COL9A3: variants seen among roughly 807,000 people sequenced by gnomAD.
COL9A3 encodes the protein collagen alpha-3(IX) chain.
A neutral mutation model predicts 110.2 loss-of-function variants in COL9A3; 82 were observed. The observed-to-expected ratio is 0.74, with a 90% CI of 0.62 to 0.89. COL9A3 has a LOEUF of 0.89. Ranked by LOEUF, COL9A3 falls within the 40% of genes least tolerant of loss-of-function variation. The probability of loss-of-function intolerance (pLI) is 0.00; values close to 1 mark genes in which losing one functional copy is unlikely to be tolerated. For synonymous variants in COL9A3, 494 were observed against 403.8 expected (o/e 1.22, Z -2.68); for missense variants, 1,066 against 981.3 (o/e 1.09, Z -1.15).
rs1600801851 is a variant in COL9A3 at position 62,829,500 on chromosome 20, G to T, written c.1053+1G>T. ...GTCCAAAGGCGAGAAGGGAGAACGG[G>T]TATGTGGCTGCAGCCGCTTTCTCTC... is the stretch of plus-strand genomic sequence containing the variant. On this transcript the variant is annotated splice_donor_variant, in intron 20 of 31. Coordinates refer to ENST00000649368, the MANE Select transcript of COL9A3 (RefSeq NM_001853.4). LOFTEE classifies it high-confidence loss of function. 6.2e-7 allele frequency: 1 copy of T among 1,605,806 alleles called. No individual in the cohort carries two copies.
intron 25 of COL9A3, 69 bp from the exon 26 acceptor site, chr20:62,832,951 G>T: frequency 7.2e-7 from 1 of 1,392,130 alleles, no homozygotes; most frequent in South Asian, 1.2e-5. Context: ...TGAGAGCAGG[G>T]ACTTTAAGGC....
rs1311698236 is a variant in COL9A3 at position 62,825,129 on chromosome 20, GA to G, written c.630+109del. On this transcript the variant is annotated intron_variant, in intron 12 of 31. Transcript: ENST00000649368. Reference sequence around the variant, plus strand: ...GGAGGGAGGGGCTGGGCTCCGGCGGGAGGGAGGGGCTGGGCTCCGGCGGGAG... The same window carrying G: ...GGAGGGAGGGGCTGGGCTCCGGCGGGGGGAGGGGCTGGGCTCCGGCGGGAG... 34 of 182,370 alleles carry G rather than the reference GA, an allele frequency of 1.9e-4. 1 individual carries two copies. The highest frequency in any genetic ancestry group is 9.4e-4 in the Admixed American group (7 of 7,436). The allele number at this position is 182,370 out of a possible 1,614,324, so 11.3% of individuals were successfully genotyped here.
In COL9A3 at chr20:62,838,760, A is replaced by G. The variant is rs1600813194; in HGVS notation, c.1863A>G (p.Gln621=). The G allele has an allele frequency of 6.4e-7, 1 of 1,551,606 alleles. No homozygotes were observed. The highest frequency in any genetic ancestry group is 1.2e-5 in the South Asian group (1 of 84,062). The change falls in exon 31 of 32, where the codon CAA becomes CAG. Residue 621 remains glutamine, a splice_region_variant and synonymous_variant. Transcript: ENST00000649368. The part of the protein sequence containing the change: ...LDGPEGDQGP[Q]GPQGVPGTSK... Reference sequence around the variant, plus strand: ...GGCCTGAAGGAGACCAGGGGCCCCAAGGTACGAGTCCACGGCCAGCAAGGC... The same window carrying G: ...GGCCTGAAGGAGACCAGGGGCCCCAGGGTACGAGTCCACGGCCAGCAAGGC...
intron 31 of COL9A3, among the ~76,000 whole-genome samples, chr20:62,839,468 CT>C (rs996396073): frequency 6.8e-4 from 104 of 152,322 alleles, no homozygotes; most frequent in African/African-American, 2.4e-3. Context: ...CTGCCCGCCC[CT>C]GTCTTAGCCT....
chr20:62,817,688 C>A, intron 2 of COL9A3, 53 bp downstream of exon 2: 1 of 1,240,598 alleles, frequency 8.1e-7, no homozygotes, highest in Non-Finnish European at 1.1e-6. Context: ...TGGCTCTGGC[C>A]CCCACCTCCC....
chr20:62,830,229 C>A, intron 22 of COL9A3, 131 bp from the exon 23 acceptor site: 1 of 1,099,274 alleles, frequency 9.1e-7, no homozygotes, highest in Non-Finnish European at 1.4e-6. Flanking sequence ...CCCCAGCAAC[C>A]CAGCCAGGTG....
rs757399322 is a variant in COL9A3 at position 62,832,171 on chromosome 20, A to G, written c.1305A>G (p.Ala435=). ...DVGDRGPGGA[A]GPKGDQGIAG... The stretch of plus-strand genomic sequence containing the variant: ...ACATCCAGGGTCCGGGAGGTGCCGC[A>G]GGCCCTAAGGGAGACCAGGTGAGCT... The change falls in exon 25 of 32, where the codon GCA becomes GCG. Residue 435 remains alanine, a synonymous_variant. Coordinates refer to ENST00000649368, the MANE Select transcript of COL9A3 (RefSeq NM_001853.4). 2.7e-5 allele frequency: 44 copies of G among 1,612,816 alleles called. No homozygotes were observed. The highest frequency in any genetic ancestry group is 1.7e-5 in the Non-Finnish European group (20 of 1,179,776).
chr20:62,821,969 G>A (rs1465188188), intron 8 of COL9A3, 142 bp from the exon 9 acceptor site: 7 of 764,712 alleles, frequency 9.2e-6, no homozygotes, highest in South Asian at 2.9e-5. Context: ...ATCCAGACCC[G>A]ACCTCAGGAC....
At chr20:62,840,040 GCCGCACCATGC>G (rs772972473) in intron 31 of COL9A3, among the ~76,000 whole-genome samples, 62 of 151,966 alleles carry the variant, frequency 4.1e-4, no homozygotes, top group South Asian at 6.2e-4. Context: ...CAGCCTCCCG[GCCGCACCATGC>G]CCGCACCATG....
At chr20:62,824,372 G>A (rs969521981) in intron 10 of COL9A3, 73 bp from the exon 11 acceptor site, 23 of 1,414,482 alleles carry the variant, frequency 1.6e-5, no homozygotes, top group South Asian at 2.5e-5. Context: ...GGGGTCCCGC[G>A]GGCGCTGACC....
Position 62,824,652 on chromosome 20 carries a change from C to T in COL9A3, c.576+151C>T. 2 of 851,786 alleles carry T rather than the reference C, an allele frequency of 2.3e-6. 1 individual carries two copies. Among genetic ancestry groups the T allele is most frequent in the South Asian group, 2.9e-5 (2 of 68,262 alleles). 52.8% of individuals were successfully genotyped at this position (851,786 alleles called of 1,614,324 possible). A position where few individuals can be genotyped will look rare whatever the true frequency, so the allele number is the denominator to read the frequency against. The stretch of plus-strand genomic sequence containing the variant: ...AGAAAGCTAGGCCAGCCTCCTTGTC[C>T]CGCCTTCAGCACCCCAGTGACACGC... On this transcript the variant is annotated intron_variant, in intron 11 of 31. Transcript: ENST00000649368.
chr20:62,818,440 C>T (rs966167680), intron 2 of COL9A3, 78 bp from the exon 3 acceptor site: 13 of 1,400,624 alleles, frequency 9.3e-6, no homozygotes, highest in African/African-American at 7.1e-5. Flanking sequence ...TGGAGGCCAG[C>T]GCTGCTCTTT....
rs371345707 is a variant in COL9A3, at chr20:62,838,704, G to A, written c.1807G>A (p.Asp603Asn). 2 of 1,552,786 alleles carry A rather than the reference G, an allele frequency of 1.3e-6. No homozygotes were observed. The highest frequency in any genetic ancestry group is 2.7e-5 in the African/African-American group (2 of 73,092). Residue 603 changes from aspartate (D) to asparagine (N), a missense_variant, in exon 31 of 32, where the codon GAC becomes AAC. By Grantham distance (23) the Asp-to-Asn change is conservative. Coordinates refer to ENST00000649368, the MANE Select transcript of COL9A3 (RefSeq NM_001853.4). ...GPRGNQGDRG[D>N]KGAAGAGLDG... ...GACAGGAAACCAGGGTGACAGAGGA[G>A]ACAAAGGCGCGGCAGGAGCAGGGCT...
intron 13 of COL9A3, 93 bp from the exon 14 acceptor site, chr20:62,826,111 G>A (rs984763739): frequency 2.2e-6 from 3 of 1,366,076 alleles, no homozygotes; most frequent in African/African-American, 2.9e-5. Flanking sequence ...AAGACACCAG[G>A]GCTCCCAGGG....
chr20:62,837,828 G>C (rs1241699109), intron 30 of COL9A3, among the ~76,000 whole-genome samples: 2 of 148,946 alleles, frequency 1.3e-5, no homozygotes, highest in Non-Finnish European at 3.0e-5. Context: ...AAAAAAATGT[G>C]AGGAATGGCC....
intron 26 of COL9A3, among the ~76,000 whole-genome samples, chr20:62,835,630 G>A (rs1429928916): frequency 1.3e-5 from 2 of 152,160 alleles, no homozygotes; most frequent in African/African-American, 4.8e-5. Flanking sequence ...CATTAGGCGT[G>A]TTAGTAAGAA....
At chr20:62,831,978 G>T in intron 24 of COL9A3, 176 bp from the exon 25 acceptor site, 1 of 712,618 alleles carries the variant, frequency 1.4e-6, no homozygotes. Flanking sequence ...CGGGCCCAGA[G>T]GCTGTGAACG....
intron 11 of COL9A3, 81 bp from the exon 12 acceptor site, chr20:62,824,887 C>A: frequency 1.4e-6 from 2 of 1,429,704 alleles, no homozygotes; most frequent in Non-Finnish European, 1.9e-6. Flanking sequence ...GCTGACTGAC[C>A]CTGCAGGCCT....
chr20:62,827,111 G>A (rs2063559201), intron 15 of COL9A3, 130 bp from the exon 16 acceptor site: 8 of 932,690 alleles, frequency 8.6e-6, no homozygotes, highest in Admixed American at 5.8e-5. Context: ...AGGCCTGGAG[G>A]GGCCCCCATC....
Sources: gnomAD v4.1 joint callset for allele counts (sites outside exome capture counted in the v4.1 genomes callset) on GRCh38, gnomAD v4.1.1 for gene constraint, MANE v1.5 for transcripts, NCBI Gene and HGNC (gene_info 2026-07-23, HGNC 2026-07-21) for gene names.